Variants in EYS observed in about 807,000 individuals in gnomAD.
The protein encoded by EYS is EGF-like photoreceptor maintenance factor, also known as protein eyes shut homolog.
In EYS, 250 loss-of-function variants were observed where a neutral mutation model predicts 282.1. The observed-to-expected ratio is 0.89, with a 90% confidence interval of 0.80 to 0.98. EYS has a LOEUF of 0.98. EYS is among the 50% of genes least tolerant of loss of function. The probability of loss-of-function intolerance (pLI) is 0.00; values close to 1 mark genes in which losing one functional copy is unlikely to be tolerated. For missense variants in EYS, 4,016 were observed against 3,709.0 expected, an observed-to-expected ratio of 1.08 and a Z score of -2.15; for synonymous variants, 1,355 against 1,282.9, an observed-to-expected ratio of 1.06 and a Z score of -1.20.
intron 31 of EYS, among the ~76,000 whole-genome samples, chr6:64,136,209 A>G (rs1307070676): frequency 2.0e-5 from 3 of 151,154 alleles, no homozygotes; most frequent in African/African-American, 4.9e-5. Flanking sequence ...TTAAAGTATC[A>G]TCATGAGATT....
chr6:64,346,401 A>T (rs984800890), intron 29 of EYS, among the ~76,000 whole-genome samples: 2 of 152,040 alleles, frequency 1.3e-5, no homozygotes, highest in Non-Finnish European at 2.9e-5. Flanking sequence ...TGTCCTTTGT[A>T]GGGACATGGA....
chr6:64,569,975 C>T (rs1274423943), intron 26 of EYS, among the ~76,000 whole-genome samples: 2 of 151,964 alleles, frequency 1.3e-5, no homozygotes, highest in African/African-American at 2.4e-5. Flanking sequence ...AGAGTAACCC[C>T]AAGTAGAATA....
chr6:64,116,417 A>C (rs905472818), intron 31 of EYS, among the ~76,000 whole-genome samples: 3 of 152,214 alleles, frequency 2.0e-5, no homozygotes, highest in African/African-American at 7.2e-5. Flanking sequence ...TAGATACATA[A>C]AATGAGAAAA....
intron 29 of EYS, among the ~76,000 whole-genome samples, chr6:64,381,915 C>G (rs1212603871): frequency 6.6e-6 from 1 of 152,148 alleles, no homozygotes; most frequent in African/African-American, 2.4e-5. Context: ...TGTTCCTTTA[C>G]TCATCATCAT....
At chr6:64,793,060 T>C (rs966477651) in intron 22 of EYS, among the ~76,000 whole-genome samples, 1 of 152,108 alleles carries the variant, frequency 6.6e-6, no homozygotes, top group African/African-American at 2.4e-5. Context: ...TGAGTCAGAA[T>C]CTCTTCCTAC....
At chr6:65,573,885 G>A (rs1418615943) in intron 2 of EYS, among the ~76,000 whole-genome samples, 2 of 152,196 alleles carry the variant, frequency 1.3e-5, no homozygotes, top group East Asian at 3.9e-4. Flanking sequence ...TGTTACTAAT[G>A]TGGCAGTGTA....
At chr6:65,399,829 G>T (rs1766424516) in intron 7 of EYS, among the ~76,000 whole-genome samples, 1 of 151,918 alleles carries the variant, frequency 6.6e-6, no homozygotes, top group South Asian at 2.1e-4. Flanking sequence ...TTTGATCATT[G>T]TTCTGGCTCT....
In EYS at chr6:64,451,002, A is replaced by G. The variant is rs183974538; in HGVS notation, c.5645-11650T>C. Among the ~76,000 whole-genome samples the G allele has an allele frequency of 3.5e-3, 531 of 152,310 alleles. 10 individuals carry two copies. Among genetic ancestry groups the G allele is most frequent in the Middle Eastern group, 0.017 (5 of 294 alleles). On this transcript the variant is annotated intron_variant, in intron 26 of 42. Transcript: ENST00000503581. ...AGCTAGCAGAAGGCAAGAAATAACT[A>G]AGATCGAGCAGAACTGAAGGAAATA...
At chr6:64,849,001 A>G (rs1221142924) in intron 19 of EYS, among the ~76,000 whole-genome samples, 3 of 152,050 alleles carry the variant, frequency 2.0e-5, no homozygotes, top group African/African-American at 7.2e-5. Context: ...GATGAGCATA[A>G]AGGTAGTGAA....
At chr6:65,265,278 A>T (rs1582079465) in intron 12 of EYS, among the ~76,000 whole-genome samples, 1 of 152,146 alleles carries the variant, frequency 6.6e-6, no homozygotes, top group Admixed American at 6.6e-5. Flanking sequence ...TAAAGAAAGT[A>T]ATTTGTTTTT....
intron 22 of EYS, among the ~76,000 whole-genome samples, chr6:64,661,887 A>C (rs1429305327): frequency 1.4e-5 from 2 of 141,444 alleles, no homozygotes; most frequent in Non-Finnish European, 1.5e-5. Context: ...TACTGGGTAT[A>C]TACCCAAAGT....
intron 13 of EYS, among the ~76,000 whole-genome samples, chr6:65,020,158 C>T (rs1475173803): frequency 2.0e-5 from 3 of 152,106 alleles, no homozygotes; most frequent in Non-Finnish European, 2.9e-5. Context: ...CAATTTAAAA[C>T]ACAATCATGC....
At chr6:65,678,721 G>A (rs747011034) in intron 1 of EYS, among the ~76,000 whole-genome samples, 4 of 149,844 alleles carry the variant, frequency 2.7e-5, no homozygotes, top group Non-Finnish European at 4.4e-5. Context: ...TAAACAAACA[G>A]CAATATCCAA....
chr6:64,791,411 A>G (rs1774188010), intron 22 of EYS, among the ~76,000 whole-genome samples: 1 of 151,818 alleles, frequency 6.6e-6, no homozygotes, highest in African/African-American at 2.4e-5. Context: ...ATCAAGCACA[A>G]TGTACCATAA....
chr6:64,497,960 G>A (rs1776939568), intron 26 of EYS, among the ~76,000 whole-genome samples: 1 of 152,088 alleles, frequency 6.6e-6, no homozygotes, highest in South Asian at 2.1e-4. Context: ...TATAGATGGA[G>A]TGAAAGGTAA....
chr6:65,604,928 C>T (rs1012657474), intron 2 of EYS, among the ~76,000 whole-genome samples: 11 of 147,902 alleles, frequency 7.4e-5, no homozygotes, highest in Admixed American at 1.4e-4. Flanking sequence ...ACTGCAGCCT[C>T]AATTTCCCAG....
intron 14 of EYS, among the ~76,000 whole-genome samples, chr6:64,949,993 G>A (rs1016269189): frequency 6.6e-6 from 1 of 151,936 alleles, no homozygotes; most frequent in Middle Eastern, 3.4e-3. Flanking sequence ...AAGAATAATT[G>A]ACAGAAGTAC....
At chr6:65,137,375 G>T (rs1369581660) in intron 12 of EYS, among the ~76,000 whole-genome samples, 1 of 152,082 alleles carries the variant, frequency 6.6e-6, no homozygotes, top group Non-Finnish European at 1.5e-5. Flanking sequence ...GCATCGTGAA[G>T]AAATGAGACC....
intron 37 of EYS, chr6:63,797,058 C>T (rs1432867024): frequency 6.6e-6 from 1 of 152,112 alleles, no homozygotes; most frequent in Admixed American, 6.6e-5. Flanking sequence ...GATTATAGTT[C>T]TAGGGCTTGT....
Sources: allele counts gnomAD v4.1 joint callset (sites outside exome capture counted in the v4.1 genomes callset), GRCh38; gene constraint gnomAD v4.1.1; transcripts MANE v1.5; gene names NCBI Gene and HGNC (gene_info 2026-07-23, HGNC 2026-07-21).